Variants in FAM81A observed in about 807,000 individuals in gnomAD.
FAM81A encodes family with sequence similarity 81 member A.
In FAM81A, 19 loss-of-function variants were observed where a neutral mutation model predicts 46.7. The ratio of observed to expected loss-of-function variants is 0.41; its 90% CI spans 0.28 to 0.60. FAM81A has a LOEUF of 0.60. Among genes scored for constraint, FAM81A ranks in the 20% least tolerant of loss-of-function variants. FAM81A has a pLI of 0.34. For missense variants in FAM81A, 377 were observed against 453.5 expected (o/e 0.83, Z 1.53); for synonymous variants, 183 against 152.9 (o/e 1.20, Z -1.45).
intron 3 of FAM81A, among the ~76,000 whole-genome samples, chr15:59,466,171 A>C (rs994899353): frequency 6.6e-6 from 1 of 152,164 alleles, no homozygotes; most frequent in Non-Finnish European, 1.5e-5. Flanking sequence ...ATAAACATAC[A>C]TGTGCATGAT....
chr15:59,399,071 AG>A (rs1412507432), intron 1 of FAM81A, among the ~76,000 whole-genome samples: 1 of 152,176 alleles, frequency 6.6e-6, no homozygotes, highest in Non-Finnish European at 1.5e-5. Flanking sequence ...CGGTAGGCTG[AG>A]GCAGAAGAAT....
At chr15:59,492,854 C>A (rs2081995898) in intron 4 of FAM81A, among the ~76,000 whole-genome samples, 1 of 151,928 alleles carries the variant, frequency 6.6e-6, no homozygotes, top group Non-Finnish European at 1.5e-5. Context: ...CTGCATGGAC[C>A]AGCAGCCTCA....
intron 2 of FAM81A, among the ~76,000 whole-genome samples, chr15:59,428,924 C>A (rs1465879544): frequency 1.3e-5 from 2 of 152,180 alleles, no homozygotes; most frequent in Non-Finnish European, 2.9e-5. Context: ...AGCCACCACA[C>A]CCTTCCCATC....
At chr15:59,452,550 G>C (rs1424870583) in intron 1 of FAM81A, among the ~76,000 whole-genome samples, 1 of 152,180 alleles carries the variant, frequency 6.6e-6, no homozygotes, top group Admixed American at 6.5e-5. Context: ...TGGAGGCTGA[G>C]GCAGGAGGAT....
At chr15:59,456,282 G>A (rs2081482633) in intron 1 of FAM81A, among the ~76,000 whole-genome samples, 1 of 152,102 alleles carries the variant, frequency 6.6e-6, no homozygotes, top group Non-Finnish European at 1.5e-5. Flanking sequence ...TGGTGGATGG[G>A]GTGGCGGGGG....
intron 1 of FAM81A, among the ~76,000 whole-genome samples, chr15:59,452,274 C>T (rs765638261): frequency 5.3e-5 from 8 of 152,186 alleles, no homozygotes; most frequent in Non-Finnish European, 1.0e-4. Context: ...AACGCTATTT[C>T]AGTGAAAATG....
At chr15:59,451,766 G>A (rs2081421927) in intron 1 of FAM81A, among the ~76,000 whole-genome samples, 1 of 152,006 alleles carries the variant, frequency 6.6e-6, no homozygotes, top group African/African-American at 2.4e-5. Context: ...AATACATTTT[G>A]TCTCTTCAAG....
At chr15:59,453,015 G>A (rs1488181589) in intron 1 of FAM81A, among the ~76,000 whole-genome samples, 2 of 152,088 alleles carry the variant, frequency 1.3e-5, no homozygotes, top group African/African-American at 4.8e-5. Context: ...CTCCTGCCTC[G>A]GCCTCCCAAA....
intron 3 of FAM81A, among the ~76,000 whole-genome samples, chr15:59,488,002 A>C (rs944914549): frequency 6.6e-6 from 1 of 152,296 alleles, no homozygotes; most frequent in Admixed American, 6.5e-5. Context: ...CCTGTTGAAC[A>C]CTGATGCAAA....
intron 4 of FAM81A, among the ~76,000 whole-genome samples, chr15:59,492,895 T>G (rs2081996396): frequency 6.6e-6 from 1 of 152,174 alleles, no homozygotes. Context: ...AGAAATGTAC[T>G]GTCTCCAGCC....
chr15:59,521,288 C>G lies in FAM81A; in HGVS notation c.1017C>G (p.Leu339=), dbSNP rs150526153. 101 of 1,613,696 alleles carry G rather than the reference C, an allele frequency of 6.3e-5. No homozygotes were observed. Among genetic ancestry groups the G allele is most frequent in the Non-Finnish European group, 8.2e-5 (97 of 1,179,816 alleles). The change falls in exon 9 of 9, where the codon CTC becomes CTG. Residue 339 remains leucine, a synonymous_variant. Coordinates refer to ENST00000288228, the MANE Select transcript of FAM81A (RefSeq NM_152450.3). ...FTAVYESIGS[L]RQVLEAKMKL... The stretch of plus-strand genomic sequence containing the variant: ...CCGTCTATGAAAGCATAGGATCCCT[C>G]AGGCAAGTTCTCGAGGCCAAGATGA...
intron 8 of FAM81A, among the ~76,000 whole-genome samples, chr15:59,519,519 T>G (rs576319537): frequency 6.2e-4 from 91 of 145,950 alleles, no homozygotes; most frequent in African/African-American, 2.2e-3. Flanking sequence ...TCTCTCTTTC[T>G]TTCCTTTCTT....
At chr15:59,499,583 G>A (rs974723811) in intron 4 of FAM81A, among the ~76,000 whole-genome samples, 3 of 152,086 alleles carry the variant, frequency 2.0e-5, no homozygotes, top group African/African-American at 4.8e-5. Flanking sequence ...TTCTTCTAGC[G>A]TGGTTCTTCT....
At position 59,516,707 on chromosome 15, in the gene FAM81A, A is replaced by G; in HGVS notation, c.849A>G (p.Ile283Met). ...AGATGTCAGCCAGGCTTGACAAAAT[A>G]GAAGAGGGTCAAAAGAAGACTTTTG... ...LSQMSARLDKIEEGQKKTFDG... is the reference protein window; with the variant it reads ...LSQMSARLDKMEEGQKKTFDG... The change falls in exon 8 of 9, where the codon ATA becomes ATG. Residue 283 changes from isoleucine to methionine, a missense_variant. Transcript: ENST00000288228. 6.2e-7 allele frequency: 1 copy of G among 1,613,790 alleles called. No individual in the cohort carries two copies. The highest frequency in any genetic ancestry group is 8.5e-7 in the Non-Finnish European group (1 of 1,179,812).
At chr15:59,506,373 C>T (rs2082149042) in intron 4 of FAM81A, among the ~76,000 whole-genome samples, 1 of 151,996 alleles carries the variant, frequency 6.6e-6, no homozygotes, top group Non-Finnish European at 1.5e-5. Flanking sequence ...GGAGTCTGTG[C>T]TCTTGTAACT....
chr15:59,403,206 T>C lies in FAM81A; in HGVS notation c.-78+848T>C, dbSNP rs146183677. On this transcript the variant is annotated intron_variant, in intron 2 of 4. Transcript: ENST00000558348. ...TTTATTGAGAACTTCGGTTATGAAGTGGGCTACCCCCCCATCCCACACCCC... is the reference window on the plus strand; with the variant it reads ...TTTATTGAGAACTTCGGTTATGAAGCGGGCTACCCCCCCATCCCACACCCC... 1.3e-3 allele frequency among the ~76,000 whole-genome samples: 197 copies of C among 152,278 alleles called. 1 individual carries two copies. In the East Asian group the frequency reaches 0.035, roughly 27 times the overall value.
At position 59,522,792 on chromosome 15, in the gene FAM81A, G is replaced by A. The variant is rs1404555599; in HGVS notation, c.*1414G>A. ...ATTTTTAGGACAAATCACAAATGAA[G>A]TGTCTAACTGGCTATTACTGTTTAC... On this transcript the variant is annotated 3_prime_UTR_variant, in exon 9 of 9. Coordinates refer to ENST00000288228, the MANE Select transcript of FAM81A (RefSeq NM_152450.3). 1.3e-5 allele frequency: 2 copies of A among 152,590 alleles called. No individual in the cohort carries two copies. The highest frequency in any genetic ancestry group is 1.3e-4 in the Admixed American group (2 of 15,272). 9.5% of individuals were successfully genotyped at this position (152,590 alleles called of 1,614,324 possible). A position where few individuals can be genotyped will look rare whatever the true frequency, so the allele number is the denominator to read the frequency against.
In FAM81A at chr15:59,398,759, GAAAAAAAAAAA is replaced by G. The variant is rs71119468; in HGVS notation, c.-160-3498_-160-3488del. Among the ~76,000 whole-genome samples the G allele has an allele frequency of 7.0e-4, 29 of 41,424 alleles. 1 individual carries two copies. In the South Asian group the frequency reaches 0.014, roughly 20 times the overall value. The allele number at this position is 41,424 out of a possible 152,430, so 27.2% of individuals were successfully genotyped here. A position where few individuals can be genotyped will look rare whatever the true frequency, so the allele number is the denominator to read the frequency against. On this transcript the variant is annotated intron_variant, in intron 1 of 4. Coordinates refer to the FAM81A transcript ENST00000558348. ...GGCAACAGAGTGAGACTCTGTCTCA[GAAAAAAAAAAA>G]AAAAAAAAAAAAAAAAAAGGAAATG...
chr15:59,473,073 TAAATCTA>T (rs1205856472), intron 3 of FAM81A, among the ~76,000 whole-genome samples: 1 of 152,150 alleles, frequency 6.6e-6, no homozygotes, highest in Non-Finnish European at 1.5e-5. Flanking sequence ...CTGCTGCACC[TAAATCTA>T]ACGACAGGTA....
Sources: gnomAD v4.1 joint callset for allele counts (sites outside exome capture counted in the v4.1 genomes callset) on GRCh38, gnomAD v4.1.1 for gene constraint, MANE v1.5 for transcripts, NCBI Gene and HGNC (gene_info 2026-07-23, HGNC 2026-07-21) for gene names.